NR1D2: variants seen among roughly 807,000 people sequenced by gnomAD.
The protein encoded by NR1D2 is V-erbA-related protein 1-related.
Under a neutral mutation model 52.2 loss-of-function variants are expected in NR1D2, and 25 were observed. The observed-to-expected ratio is 0.48, with a 90% CI of 0.35 to 0.67. The LOEUF is 0.67. Among genes scored for constraint, NR1D2 ranks in the 30% least tolerant of loss-of-function variants. NR1D2 has a pLI of 0.01. For synonymous variants in NR1D2, 259 were observed against 230.1 expected, an observed-to-expected ratio of 1.13 and a Z score of -1.14; for missense variants, 681 against 707.2, an observed-to-expected ratio of 0.96 and a Z score of 0.42.
intron 1 of NR1D2, among the ~76,000 whole-genome samples, chr3:23,953,246 G>A (rs1378972170): frequency 1.4e-5 from 2 of 146,736 alleles, no homozygotes; most frequent in Middle Eastern, 3.3e-3. Context: ...AGGAGGCTGA[G>A]ACAGGAAAAT....
At chr3:23,957,214 C>G (rs1456932402) in intron 3 of NR1D2, among the ~76,000 whole-genome samples, 2 of 151,718 alleles carry the variant, frequency 1.3e-5, no homozygotes, top group Non-Finnish European at 2.9e-5. Context: ...AACTCCTAAC[C>G]TCAGGTGATC....
chr3:23,946,299 C>T (rs1705705802), intron 1 of NR1D2: 20 of 985,334 alleles, frequency 2.0e-5, no homozygotes, highest in South Asian at 4.7e-5. Flanking sequence ...GAACCGGCGC[C>T]TGGGGAGGCT....
intron 7 of NR1D2, among the ~76,000 whole-genome samples, chr3:23,969,314 A>G (rs1706529122): frequency 6.6e-6 from 1 of 152,250 alleles, no homozygotes; most frequent in Middle Eastern, 3.4e-3. Flanking sequence ...AACAACAAAA[A>G]AAAAACAAGT....
chr3:23,949,764 A>G (rs1209172993), intron 1 of NR1D2, among the ~76,000 whole-genome samples: 1 of 152,250 alleles, frequency 6.6e-6, no homozygotes, highest in Admixed American at 6.5e-5. Flanking sequence ...GTTTTGTTCT[A>G]AGTCACAAGG....
Position 23,954,754 on chromosome 3 carries a change from A to T in NR1D2, c.234A>T (p.Thr78=), listed in dbSNP as rs770917860. Residue 78 remains threonine (T), a synonymous_variant, in exon 2 of 8, where the codon ACA becomes ACT. Coordinates refer to ENST00000312521, the MANE Select transcript of NR1D2 (RefSeq NM_005126.5). ...ATCGAATAGATTGTTCTATGAAAAC[A>T]AGCAAATCGAGTGCACCTGGGATGA... is the stretch of plus-strand genomic sequence containing the variant. ...KNDRIDCSMK[T]SKSSAPGMTK... is the part of the protein sequence containing the mutation. 6.2e-7 allele frequency: 1 copy of T among 1,614,236 alleles called. No individual in the cohort carries two copies.
intron 1 of NR1D2, among the ~76,000 whole-genome samples, chr3:23,950,096 G>A (rs1221521405): frequency 2.6e-5 from 4 of 152,196 alleles, no homozygotes; most frequent in Non-Finnish European, 2.9e-5. Context: ...GAGGTGTTGG[G>A]ACTTGCTGGT....
intron 2 of NR1D2, 71 bp from the exon 3 acceptor site, chr3:23,955,966 A>G: frequency 9.4e-7 from 1 of 1,061,304 alleles, no homozygotes; most frequent in South Asian, 1.3e-5. Context: ...ATGAAATAAA[A>G]TATCTAATTG....
intron 1 of NR1D2, chr3:23,946,333 C>G (rs1705707193): frequency 1.0e-6 from 1 of 979,368 alleles, no homozygotes; most frequent in African/African-American, 1.8e-5. Context: ...CTTGCAGATT[C>G]CGAGGAGGAA....
chr3:23,959,560 T>C, intron 3 of NR1D2, 111 bp from the exon 4 acceptor site: 2 of 924,232 alleles, frequency 2.2e-6, no homozygotes, highest in Admixed American at 2.4e-5. Flanking sequence ...TAGTGAGTCA[T>C]ATACTGGGAC....
At chr3:23,953,617 G>T (rs1706004163) in intron 1 of NR1D2, among the ~76,000 whole-genome samples, 1 of 152,166 alleles carries the variant, frequency 6.6e-6, no homozygotes, top group Non-Finnish European at 1.5e-5. Context: ...ACTGGGGATT[G>T]GTTAGTGGAT....
At chr3:23,959,600 T>C (rs939349263) in intron 3 of NR1D2, 71 bp from the exon 4 acceptor site, 2 of 1,448,988 alleles carry the variant, frequency 1.4e-6, no homozygotes, top group African/African-American at 1.4e-5. Flanking sequence ...TAGATAGGTA[T>C]GGGAGCAGTG....
chr3:23,945,769 G>A (rs1003617164), intron 1 of NR1D2, among the ~76,000 whole-genome samples, 175 bp downstream of exon 1: 1 of 150,200 alleles, frequency 6.7e-6, no homozygotes, highest in African/African-American at 2.4e-5. Flanking sequence ...GCCGCCCGGC[G>A]CCCGCCCTCT....
At chr3:23,957,903 TAATAA>T (rs1706129937) in intron 3 of NR1D2, among the ~76,000 whole-genome samples, 1 of 152,218 alleles carries the variant, frequency 6.6e-6, no homozygotes, top group Non-Finnish European at 1.5e-5. Flanking sequence ...AGTATCACAA[TAATAA>T]AATATAAAAA....
chr3:23,955,028 T>G (rs1000715610), intron 2 of NR1D2, among the ~76,000 whole-genome samples: 5 of 152,250 alleles, frequency 3.3e-5, no homozygotes, highest in African/African-American at 9.6e-5. Context: ...GATTATGTAC[T>G]CTGCCTGACC....
intron 7 of NR1D2, among the ~76,000 whole-genome samples, chr3:23,976,993 G>T (rs1169001510): frequency 1.7e-5 from 2 of 114,796 alleles, no homozygotes; most frequent in Admixed American, 2.0e-4. Context: ...TAACAGTAAA[G>T]AATTTTGATT....
At chr3:23,976,002 C>T (rs575911454) in intron 7 of NR1D2, among the ~76,000 whole-genome samples, 3 of 152,298 alleles carry the variant, frequency 2.0e-5, no homozygotes, top group Non-Finnish European at 4.4e-5. Context: ...TTGTTAATTA[C>T]AACCTCCCAT....
intron 3 of NR1D2, among the ~76,000 whole-genome samples, chr3:23,958,581 G>A (rs1251503599): frequency 3.3e-5 from 5 of 150,324 alleles, no homozygotes; most frequent in South Asian, 4.2e-4. Context: ...TCGAAGTTGC[G>A]GTGAGCTATT....
In NR1D2 at chr3:23,971,851, T is replaced by C. The variant is rs78093899; in HGVS notation, c.1543+3828T>C. Among the ~76,000 whole-genome samples, 561 of 152,294 alleles carry C rather than the reference T, an allele frequency of 3.7e-3. 3 individuals are homozygous for C. The highest frequency in any genetic ancestry group is 0.013 in the African/African-American group (527 of 41,572). On this transcript the variant is annotated intron_variant, in intron 7 of 7. Transcript: ENST00000312521. ...TATCTTGTTCTATCACTGTTTGTCA[T>C]GATTTGATCAGTCAATTCCCAAAGT...
intron 7 of NR1D2, among the ~76,000 whole-genome samples, chr3:23,976,247 A>G (rs1341188429): frequency 6.6e-6 from 1 of 152,264 alleles, no homozygotes; most frequent in African/African-American, 2.4e-5. Flanking sequence ...AAAGTTGCAT[A>G]GTGTATTAGT....
Sources: gnomAD v4.1 joint callset for allele counts (sites outside exome capture counted in the v4.1 genomes callset) on GRCh38, gnomAD v4.1.1 for gene constraint, MANE v1.5 for transcripts, NCBI Gene and HGNC (gene_info 2026-07-23, HGNC 2026-07-21) for gene names.